The following KIF3B variants were observed in gnomAD, a reference collection of about 807,000 sequenced individuals.
The protein encoded by KIF3B is kinesin-like protein KIF3B.
KIF3B carries 38 observed loss-of-function variants against 74.3 expected under a neutral mutation model. That is an observed-to-expected ratio of 0.51 (90% CI 0.39 to 0.67). The LOEUF is 0.67. KIF3B is among the 30% of genes least tolerant of loss of function. The probability of loss-of-function intolerance (pLI) is 0.00; values close to 1 mark genes in which losing one functional copy is unlikely to be tolerated. For synonymous variants in KIF3B, 326 were observed against 342.5 expected (o/e 0.95, Z 0.53); for missense variants, 649 against 932.0 (o/e 0.70, Z 3.95).
At chr20:32,323,773 G>A (rs2047889231) in intron 5 of KIF3B, among the ~76,000 whole-genome samples, 1 of 152,038 alleles carries the variant, frequency 6.6e-6, no homozygotes, top group Admixed American at 6.6e-5. Context: ...AACTACTCGG[G>A]AGGCTGAGGC....
chr20:32,330,210 A>G lies in KIF3B; in HGVS notation c.2038A>G (p.Ile680Val), dbSNP rs759148774. 11 of 1,614,022 alleles carry G rather than the reference A, an allele frequency of 6.8e-6. No homozygotes were observed. The African/African-American group carries it at 1.1e-4, about 16-fold the overall frequency. Residue 680 changes from isoleucine (I) to valine (V), a missense_variant, in exon 8 of 9, where the codon ATT (isoleucine) becomes GTT (valine). By Grantham distance (29) the Ile-to-Val change is conservative (BLOSUM62 3). This residue lies in a region of KIF3B where 186 missense variants were observed against 198.5 expected (regional missense o/e 0.94). Transcript: ENST00000375712. ...CACCAGAGACTATGAGGGTCCAGCC[A>G]TTGCCCCCAAGGTCCAGGCTGCATT... ...RTTRDYEGPAIAPKVQAALDA... is the reference protein window; with the variant it reads ...RTTRDYEGPAVAPKVQAALDA...
intron 7 of KIF3B, among the ~76,000 whole-genome samples, chr20:32,329,410 C>A (rs2047919860): frequency 6.7e-6 from 1 of 149,350 alleles, no homozygotes; most frequent in Non-Finnish European, 1.5e-5. Flanking sequence ...AGTGCTGTAG[C>A]ACAGTCATAG....
Position 32,331,413 on chromosome 20 carries a change from G to T in KIF3B, c.*94G>T. 2.0e-6 allele frequency: 2 copies of T among 986,268 alleles called. No individual in the cohort carries two copies. Among genetic ancestry groups the T allele is most frequent in the South Asian group, 1.4e-5 (1 of 69,464 alleles). 61.1% of individuals were successfully genotyped at this position (986,268 alleles called of 1,614,324 possible). ...GCAGAGAGGATTCGGCCCAAACTCA[G>T]AACTGTTCCCCTGAGGAGAAGCGGT... On this transcript the variant is annotated 3_prime_UTR_variant, in exon 9 of 9. Coordinates refer to ENST00000375712, the MANE Select transcript of KIF3B (RefSeq NM_004798.4).
At chr20:32,322,754 A>ATATTTATATATATTTATATTTATT (rs2047871502) in intron 5 of KIF3B, among the ~76,000 whole-genome samples, 1 of 43,402 alleles carries the variant, frequency 2.3e-5, no homozygotes, top group African/African-American at 1.4e-4. Flanking sequence ...ATTTATATAT[A>ATATTTATATATATTTATATTTATT]TATTTATATA....
chr20:32,316,161 A>T lies in KIF3B; in HGVS notation c.1405-57A>T, dbSNP rs1053622354. ...ATCTTTCACAGGCTCCCCTGTGAGG[A>T]ATTATGTTCTGAGAGAAACCGTTCA... On this transcript the variant is annotated intron_variant, in intron 2 of 8. Coordinates refer to ENST00000375712, the MANE Select transcript of KIF3B (RefSeq NM_004798.4). 4 of 1,014,372 alleles carry T rather than the reference A, an allele frequency of 3.9e-6. No individual in the cohort carries two copies. The Admixed American group carries it at 5.2e-5, about 13-fold the overall frequency. The allele number at this position is 1,014,372 out of a possible 1,614,324, so 62.8% of individuals were successfully genotyped here.
intron 1 of KIF3B, among the ~76,000 whole-genome samples, chr20:32,294,516 A>C (rs1397725970): frequency 6.6e-6 from 1 of 152,236 alleles, no homozygotes; most frequent in African/African-American, 2.4e-5. Flanking sequence ...AATAGCCTGC[A>C]GGCGCACCAC....
intron 5 of KIF3B, among the ~76,000 whole-genome samples, chr20:32,318,809 G>T (rs368047604): frequency 6.6e-6 from 1 of 152,148 alleles, no homozygotes; most frequent in East Asian, 1.9e-4. Flanking sequence ...GTTTTGTATG[G>T]ATGTGTGTTT....
chr20:32,325,653 CTCTTTTTTTTTTTTTTT>C (rs1232467621), intron 5 of KIF3B, among the ~76,000 whole-genome samples: 1 of 90,304 alleles, frequency 1.1e-5, no homozygotes, highest in African/African-American at 3.9e-5. Context: ...CTCTCTCTCT[CTCTTTTTTTTTTTTTTT>C]TTTTTTTTTT....
chr20:32,283,805 A>G (rs1327235880), intron 1 of KIF3B, among the ~76,000 whole-genome samples: 3 of 151,834 alleles, frequency 2.0e-5, no homozygotes, highest in Non-Finnish European at 4.4e-5. Context: ...GTGAGACTCC[A>G]TCTCAAAAAA....
chr20:32,284,239 AC>A (rs2047657346), intron 1 of KIF3B, among the ~76,000 whole-genome samples: 2 of 152,128 alleles, frequency 1.3e-5, no homozygotes, highest in Admixed American at 1.3e-4. Context: ...GCACCTGGCC[AC>A]CACTGCTATT....
intron 3 of KIF3B, 72 bp from the exon 4 acceptor site, chr20:32,316,455 G>T: frequency 1.9e-6 from 3 of 1,602,238 alleles, no homozygotes; most frequent in Non-Finnish European, 2.6e-6. Context: ...TGGAGACTCT[G>T]ATCCTAGCTT....
intron 1 of KIF3B, among the ~76,000 whole-genome samples, chr20:32,303,827 C>T (rs2047755858): frequency 6.8e-6 from 1 of 147,512 alleles, no homozygotes; most frequent in Admixed American, 6.9e-5. Context: ...TGCACTCCAG[C>T]CTGGGTCACA....
In KIF3B at chr20:32,334,051, C is replaced by T. The variant is rs2047943872; in HGVS notation, c.*2732C>T. The T allele has an allele frequency of 6.6e-6, 1 of 152,630 alleles. No individual in the cohort carries two copies. The highest frequency in any genetic ancestry group is 1.5e-5 in the Non-Finnish European group (1 of 68,068). 9.5% of individuals were successfully genotyped at this position (152,630 alleles called of 1,614,324 possible). A position where few individuals can be genotyped will look rare whatever the true frequency, so the allele number is the denominator to read the frequency against. On this transcript the variant is annotated 3_prime_UTR_variant, in exon 9 of 9. Transcript: ENST00000375712. ...TAGGTTTTCATGTCTCTAGTCATACCTAGAATGTTCTGAGCCGTCTGAGGG... is the reference window on the plus strand; with the variant it reads ...TAGGTTTTCATGTCTCTAGTCATACTTAGAATGTTCTGAGCCGTCTGAGGG...
chr20:32,327,563 C>G lies in KIF3B; in HGVS notation c.1870C>G (p.Gln624Glu), dbSNP rs2047910016. The G allele has an allele frequency of 6.2e-7, 1 of 1,612,802 alleles. No individual in the cohort carries two copies. Among genetic ancestry groups the G allele is most frequent in the Non-Finnish European group, 8.5e-7 (1 of 1,179,182 alleles). The change falls in exon 7 of 9, where the codon CAG becomes GAG. Residue 624 changes from glutamine to glutamate, a missense_variant. By Grantham distance (29) the Gln-to-Glu change is conservative. Around this residue, in one of 4 missense-constraint regions of KIF3B, gnomAD observed 186 missense variants for 198.5 expected, o/e 0.94. Transcript: ENST00000375712. Reference protein sequence around the residue: ...LHPITRLENQQMMKRPVSAVG... With the variant: ...LHPITRLENQEMMKRPVSAVG... ...ACTGCAGTTCATTTCCAGGAACCAG[C>G]AGATGATGAAGCGGCCAGTCTCAGC...
intron 1 of KIF3B, among the ~76,000 whole-genome samples, chr20:32,284,754 C>G (rs1353550342): frequency 2.0e-5 from 3 of 152,218 alleles, no homozygotes; most frequent in Non-Finnish European, 4.4e-5. Context: ...ATGCTCTCAC[C>G]TAGGTAATCA....
intron 5 of KIF3B, among the ~76,000 whole-genome samples, chr20:32,319,582 GTTT>G (rs34028388): frequency 2.2e-5 from 2 of 92,036 alleles, no homozygotes; most frequent in Non-Finnish European, 4.2e-5. Flanking sequence ...TTTTGTTTTT[GTTT>G]TTTTTTTTTT....
intron 7 of KIF3B, 83 bp downstream of exon 7, chr20:32,327,744 A>G: frequency 1.1e-6 from 1 of 895,846 alleles, no homozygotes; most frequent in Non-Finnish European, 1.8e-6. Context: ...TTCCACTCAG[A>G]GTTCATACCT....
intron 1 of KIF3B, among the ~76,000 whole-genome samples, chr20:32,301,999 G>A (rs974706693): frequency 6.6e-6 from 1 of 152,242 alleles, no homozygotes; most frequent in Non-Finnish European, 1.5e-5. Flanking sequence ...AACAGTGGGT[G>A]TTAACATTGA....
At chr20:32,295,494 C>T (rs540250504) in intron 1 of KIF3B, among the ~76,000 whole-genome samples, 4 of 152,140 alleles carry the variant, frequency 2.6e-5, no homozygotes, top group African/African-American at 4.8e-5. Flanking sequence ...GGGGTTTCAC[C>T]GTGTTAGCCA....
Sources: allele counts gnomAD v4.1 joint callset (sites outside exome capture counted in the v4.1 genomes callset), GRCh38; gene constraint gnomAD v4.1.1; regional missense constraint gnomAD v4.1.1; transcripts MANE v1.5; gene names NCBI Gene and HGNC (gene_info 2026-07-23, HGNC 2026-07-21).